PBRM1: variants seen among roughly 807,000 people sequenced by gnomAD.
The protein encoded by PBRM1 is polybromo 1, also known as protein polybromo-1.
A neutral mutation model predicts 194.5 loss-of-function variants in PBRM1; 27 were observed. That is an observed-to-expected ratio of 0.14 (90% CI 0.10 to 0.19). The LOEUF is 0.19. Among genes scored for constraint, PBRM1 ranks in the 10% least tolerant of loss-of-function variants. The pLI, the probability that PBRM1 is intolerant of heterozygous loss-of-function variation, is 1.00. For synonymous variants in PBRM1, 655 were observed against 693.2 expected (o/e 0.94, Z 0.87); for missense variants, 1,466 against 2,077.2 (o/e 0.71, Z 5.72).
In PBRM1 at chr3:52,603,492, C is replaced by G. The variant is rs2094145063; in HGVS notation, c.2779+29G>C. 8 of 1,572,834 alleles carry G rather than the reference C, an allele frequency of 5.1e-6. No homozygotes were observed. In the East Asian group the frequency reaches 1.8e-4, roughly 35 times the overall value. On this transcript the variant is annotated intron_variant, in intron 17 of 29. Transcript: ENST00000296302. ...ACACCTAGAAGACAGTGCATTTTTT[C>G]ATATTCAATAAAATGAAAAGAAACC...
chr3:52,584,002 T>C (rs11720243), intron 20 of PBRM1, among the ~76,000 whole-genome samples: 69,087 of 151,858 alleles, frequency 0.45, 16,065 homozygotes, highest in African/African-American at 0.52. Flanking sequence ...CAGGGCAAAG[T>C]TCTAATTTTT....
At chr3:52,592,849 G>A (rs1391582792) in intron 17 of PBRM1, among the ~76,000 whole-genome samples, 2 of 152,178 alleles carry the variant, frequency 1.3e-5, no homozygotes, top group Non-Finnish European at 2.9e-5. Flanking sequence ...TTATTGGTCT[G>A]TTCAGGGATT....
chr3:52,658,336 G>GT, intron 4 of PBRM1, 21 bp from the exon 6 acceptor site: 1 of 1,302,098 alleles, frequency 7.7e-7, no homozygotes, highest in South Asian at 1.2e-5. Flanking sequence ...GGAGAAAAAA[G>GT]TACTTTCTAA....
intron 2 of PBRM1, among the ~76,000 whole-genome samples, chr3:52,672,819 G>C (rs2096980499): frequency 6.6e-6 from 1 of 151,532 alleles, no homozygotes; most frequent in Non-Finnish European, 1.5e-5. Context: ...GAAGAGAATA[G>C]TGATTATATT....
At chr3:52,607,067 T>C (rs1031327578) in intron 16 of PBRM1, among the ~76,000 whole-genome samples, 5 of 152,218 alleles carry the variant, frequency 3.3e-5, no homozygotes, top group African/African-American at 7.2e-5. Flanking sequence ...AAATCTACGG[T>C]ATGTAGACTT....
At chr3:52,573,933 C>T (rs966745072) in intron 22 of PBRM1, among the ~76,000 whole-genome samples, 9 of 152,152 alleles carry the variant, frequency 5.9e-5, no homozygotes, top group Non-Finnish European at 1.3e-4. Context: ...CAAAACAGCT[C>T]CATGCTCCAA....
At chr3:52,573,820 G>A (rs1053648355) in intron 22 of PBRM1, among the ~76,000 whole-genome samples, 2 of 152,130 alleles carry the variant, frequency 1.3e-5, no homozygotes, top group African/African-American at 4.8e-5. Flanking sequence ...AAGCTCTGTG[G>A]CATTTTAACT....
intron 13 of PBRM1, among the ~76,000 whole-genome samples, chr3:52,622,060 C>G (rs2095298475): frequency 6.7e-6 from 1 of 149,194 alleles, no homozygotes; most frequent in East Asian, 2.0e-4. Flanking sequence ...GACAAAAAGG[C>G]CAAGCATGGT....
chr3:52,581,325 C>G (rs991526652), intron 20 of PBRM1, among the ~76,000 whole-genome samples: 1 of 152,100 alleles, frequency 6.6e-6, no homozygotes, highest in Non-Finnish European at 1.5e-5. Flanking sequence ...GACTGGCCAA[C>G]ATGGTAAAAC....
intron 16 of PBRM1, among the ~76,000 whole-genome samples, chr3:52,604,596 G>A (rs1018768977): frequency 6.6e-6 from 1 of 152,096 alleles, no homozygotes; most frequent in Non-Finnish European, 1.5e-5. Flanking sequence ...GGGAAGCTGA[G>A]GCGGGAGGGT....
intron 27 of PBRM1, among the ~76,000 whole-genome samples, chr3:52,553,583 A>G (rs930826702): frequency 1.4e-5 from 2 of 142,242 alleles, no homozygotes; most frequent in Non-Finnish European, 3.0e-5. Context: ...CAGTCTCCCC[A>G]GGCTCAGGTA....
At chr3:52,639,441 T>C (rs2095979391) in intron 10 of PBRM1, among the ~76,000 whole-genome samples, 1 of 146,558 alleles carries the variant, frequency 6.8e-6, no homozygotes, top group Non-Finnish European at 1.5e-5. Context: ...CTTTCTTTTC[T>C]TTTTTTTTTT....
chr3:52,656,020 A>G (rs1577741788), intron 5 of PBRM1, among the ~76,000 whole-genome samples: 1 of 152,244 alleles, frequency 6.6e-6, no homozygotes, highest in Admixed American at 6.5e-5. Flanking sequence ...ACAGAAAAGT[A>G]AATGATCACA....
chr3:52,600,071 C>T (rs2093881778), intron 17 of PBRM1, among the ~76,000 whole-genome samples: 1 of 152,012 alleles, frequency 6.6e-6, no homozygotes, highest in Non-Finnish European at 1.5e-5. Flanking sequence ...GCACATGTGA[C>T]ACTTCGTTGC....
At chr3:52,617,627 T>C (rs1358262960) in intron 13 of PBRM1, 89 bp from the exon 16 acceptor site, 1 of 877,268 alleles carries the variant, frequency 1.1e-6, no homozygotes, top group East Asian at 2.5e-5. Context: ...ACAAATTATT[T>C]ATGGTGCTTT....
chr3:52,675,537 G>A (rs536052849), intron 2 of PBRM1, among the ~76,000 whole-genome samples: 1 of 152,368 alleles, frequency 6.6e-6, no homozygotes, highest in South Asian at 2.1e-4. Context: ...TTATTCCACA[G>A]TGAACAAGGT....
intron 5 of PBRM1, among the ~76,000 whole-genome samples, chr3:52,657,516 C>G (rs1460714465): frequency 6.6e-6 from 1 of 152,140 alleles, no homozygotes; most frequent in Non-Finnish European, 1.5e-5. Context: ...GTCACCCAGG[C>G]TGGAGTGCAA....
intron 3 of PBRM1, among the ~76,000 whole-genome samples, chr3:52,663,943 C>T (rs907699207): frequency 6.6e-6 from 1 of 151,950 alleles, no homozygotes; most frequent in Non-Finnish European, 1.5e-5. Context: ...GCCTGTAGTC[C>T]CAGCTACTTG....
chr3:52,640,548 G>C (rs987038031), intron 10 of PBRM1, among the ~76,000 whole-genome samples: 2 of 151,754 alleles, frequency 1.3e-5, no homozygotes, highest in Admixed American at 1.3e-4. Context: ...TGGGATTATG[G>C]GTGTGAGTCA....
Sources: gnomAD v4.1 joint callset for allele counts (sites outside exome capture counted in the v4.1 genomes callset) on GRCh38, gnomAD v4.1.1 for gene constraint, MANE v1.5 for transcripts, NCBI Gene and HGNC (gene_info 2026-07-23, HGNC 2026-07-21) for gene names.